The following TESK2 variants were observed in gnomAD, a reference collection of about 807,000 sequenced individuals.
TESK2 encodes testis associated actin remodelling kinase 2, also known as dual specificity testis-specific protein kinase 2.
In TESK2, 39 loss-of-function variants were observed where a neutral mutation model predicts 57.1. The observed-to-expected ratio is 0.68, with a 90% CI of 0.53 to 0.89. The LOEUF is 0.89. Among genes scored for constraint, TESK2 ranks in the 40% least tolerant of loss-of-function variants. The pLI is 0.00. For missense variants in TESK2, 646 were observed against 732.1 expected (o/e 0.88, Z 1.36); for synonymous variants, 249 against 267.9 (o/e 0.93, Z 0.69).
At chr1:45,458,889 C>T (rs1464605199) in intron 1 of TESK2, among the ~76,000 whole-genome samples, 1 of 152,134 alleles carries the variant, frequency 6.6e-6, no homozygotes. Context: ...GCCTGTCTCT[C>T]CCTCTTTCTA....
At chr1:45,443,345 G>A (rs1651517972) in intron 2 of TESK2, among the ~76,000 whole-genome samples, 1 of 151,794 alleles carries the variant, frequency 6.6e-6, no homozygotes, top group Non-Finnish European at 1.5e-5. Context: ...CAGGAGGATC[G>A]CTTGAGGTCA....
chr1:45,473,668 C>G lies in TESK2; in HGVS notation c.-86-15797G>C, dbSNP rs139612587. On this transcript the variant is annotated intron_variant, in intron 1 of 10. Transcript: ENST00000372086. The stretch of plus-strand genomic sequence containing the variant: ...TTCCAATGACATAACAAAAAGCAAA[C>G]GCATTGGAGTACACACTACTATGTT... Among the ~76,000 whole-genome samples the G allele has an allele frequency of 9.9e-5, 15 of 152,202 alleles. No individual in the cohort carries two copies. The East Asian group carries it at 2.9e-3, about 29-fold the overall frequency.
At chr1:45,399,004 A>C (rs1446701127) in intron 3 of TESK2, 1 of 435,936 alleles carries the variant, frequency 2.3e-6, no homozygotes, top group Non-Finnish European at 4.5e-6. Flanking sequence ...AAAAAAAAAA[A>C]AAACAAGCCT....
chr1:45,453,362 AAG>A (rs1019316404), intron 2 of TESK2, among the ~76,000 whole-genome samples: 5 of 144,958 alleles, frequency 3.4e-5, no homozygotes, highest in South Asian at 2.1e-4. Flanking sequence ...AAAAAAAAAA[AAG>A]AGAGAGAGAG....
At chr1:45,459,808 A>C (rs1395175009) in intron 1 of TESK2, among the ~76,000 whole-genome samples, 1 of 152,126 alleles carries the variant, frequency 6.6e-6, no homozygotes, top group Non-Finnish European at 1.5e-5. Flanking sequence ...GCACCACTGC[A>C]CTCCAGCCTG....
At chr1:45,352,650 A>C (rs1303068388) in intron 5 of TESK2, among the ~76,000 whole-genome samples, 1 of 152,214 alleles carries the variant, frequency 6.6e-6, no homozygotes. Flanking sequence ...GTTATTTGCC[A>C]ACAAAACTGT....
intron 2 of TESK2, among the ~76,000 whole-genome samples, chr1:45,432,378 T>C (rs1341592862): frequency 6.6e-6 from 1 of 151,728 alleles, no homozygotes; most frequent in East Asian, 2.0e-4. Flanking sequence ...TCAAGTCCGC[T>C]CTTCTACCTA....
chr1:45,470,746 A>T (rs989914352), intron 1 of TESK2, among the ~76,000 whole-genome samples: 5 of 152,242 alleles, frequency 3.3e-5, no homozygotes, highest in Admixed American at 1.3e-4. Context: ...TTAATTGGGT[A>T]GCCACTAGGT....
intron 5 of TESK2, 84 bp downstream of exon 5, chr1:45,355,219 T>G (rs1647368310): frequency 6.9e-7 from 1 of 1,458,746 alleles, no homozygotes; most frequent in African/African-American, 1.4e-5. Flanking sequence ...TCCTCTGTGA[T>G]TAAATGTTAA....
At chr1:45,414,356 C>G (rs1367006657) in intron 3 of TESK2, among the ~76,000 whole-genome samples, 1 of 152,200 alleles carries the variant, frequency 6.6e-6, no homozygotes, top group Admixed American at 6.5e-5. Context: ...ACAATAATTA[C>G]ATTCTCATGT....
intron 2 of TESK2, among the ~76,000 whole-genome samples, chr1:45,444,600 C>G (rs1209643023): frequency 6.6e-6 from 1 of 152,182 alleles, no homozygotes; most frequent in Non-Finnish European, 1.5e-5. Context: ...AGGTTCACAT[C>G]CAGAATCTAT....
rs765845467 is a variant in TESK2, at chr1:45,457,758, C to T, written c.28G>A (p.Ala10Thr). The T allele has an allele frequency of 1.6e-5, 26 of 1,614,134 alleles. No homozygotes were observed. The highest frequency in any genetic ancestry group is 2.1e-5 in the Non-Finnish European group (25 of 1,180,000). Reference protein sequence around the residue: MDRSKRNSIAGFPPRVERLE... With the variant: MDRSKRNSITGFPPRVERLE... ...CGCTCCACACGTGGAGGAAATCCTG[C>T]AATTGAATTCCGTTTGCTCCGATCC... The change falls in exon 2 of 11, where the codon GCA (alanine) becomes ACA (threonine). Residue 10 changes from alanine to threonine, a missense_variant. Physicochemically the swap from Ala to Thr is moderately conservative, Grantham distance 58. Transcript: ENST00000372086.
intron 3 of TESK2, among the ~76,000 whole-genome samples, chr1:45,390,383 T>C (rs776164608): frequency 3.5e-4 from 54 of 152,156 alleles, no homozygotes; most frequent in Non-Finnish European, 6.9e-4. Context: ...AGGATCACTT[T>C]AGCCAGGGAG....
chr1:45,366,711 TG>T, intron 4 of TESK2, among the ~76,000 whole-genome samples: 1 of 152,158 alleles, frequency 6.6e-6, no homozygotes, highest in Non-Finnish European at 1.5e-5. Context: ...TAAATGGAGG[TG>T]GGTTTTAAGT....
chr1:45,477,761 A>G (rs1653057314), intron 1 of TESK2, among the ~76,000 whole-genome samples: 2 of 152,200 alleles, frequency 1.3e-5, no homozygotes, highest in African/African-American at 4.8e-5. Context: ...TTAGCCCGGC[A>G]TTCGAAGACT....
chr1:45,418,051 G>A (rs1650318406), intron 3 of TESK2, among the ~76,000 whole-genome samples: 1 of 152,118 alleles, frequency 6.6e-6, no homozygotes, highest in African/African-American at 2.4e-5. Flanking sequence ...GTAAGAAAAG[G>A]AATGATAAAA....
intron 2 of TESK2, among the ~76,000 whole-genome samples, chr1:45,448,739 G>A (rs911458644): frequency 1.3e-5 from 2 of 152,116 alleles, no homozygotes; most frequent in African/African-American, 4.8e-5. Context: ...TCAACATTGG[G>A]AATCACATTT....
At chr1:45,400,214 A>C (rs867534109) in intron 3 of TESK2, among the ~76,000 whole-genome samples, 2 of 152,174 alleles carry the variant, frequency 1.3e-5, no homozygotes, top group Non-Finnish European at 2.9e-5. Context: ...GAGTGATGCA[A>C]TGTGAGAAAG....
intron 3 of TESK2, among the ~76,000 whole-genome samples, chr1:45,392,628 G>A (rs184991552): frequency 8.0e-4 from 122 of 152,256 alleles, no homozygotes; most frequent in Non-Finnish European, 1.3e-3. Context: ...TTGAACCCAG[G>A]AGGTGGAGGT....
Sources: gnomAD v4.1 joint callset for allele counts (sites outside exome capture counted in the v4.1 genomes callset) on GRCh38, gnomAD v4.1.1 for gene constraint, MANE v1.5 for transcripts, NCBI Gene and HGNC (gene_info 2026-07-23, HGNC 2026-07-21) for gene names.